The following EDAR variants were observed in gnomAD, a reference collection of about 807,000 sequenced individuals.
The protein encoded by EDAR is tumor necrosis factor receptor superfamily member EDAR.
In EDAR, 38 loss-of-function variants were observed where a neutral mutation model predicts 51.3. The observed-to-expected ratio is 0.74, with a 90% CI of 0.57 to 0.97. The LOEUF (loss-of-function observed/expected upper bound fraction) is 0.97, where lower values mean the gene tolerates loss of function less well. EDAR is among the 50% of genes least tolerant of loss of function. The pLI, the probability that EDAR is intolerant of heterozygous loss-of-function variation, is 0.00. For synonymous variants in EDAR, 227 were observed against 242.1 expected, an observed-to-expected ratio of 0.94 and a Z score of 0.58; for missense variants, 528 against 595.0, an observed-to-expected ratio of 0.89 and a Z score of 1.17.
chr2:108,982,891 C>T (rs1201814971), intron 1 of EDAR, among the ~76,000 whole-genome samples: 2 of 152,208 alleles, frequency 1.3e-5, no homozygotes, highest in African/African-American at 4.8e-5. Flanking sequence ...GGACTGGCCA[C>T]CCAGACAGGC....
At chr2:108,986,058 T>C (rs1263094354) in intron 1 of EDAR, among the ~76,000 whole-genome samples, 1 of 152,152 alleles carries the variant, frequency 6.6e-6, no homozygotes, top group Non-Finnish European at 1.5e-5. Context: ...GGGTAATGCT[T>C]TGTGACACTC....
At chr2:108,965,428 G>A (rs1698131552) in intron 1 of EDAR, among the ~76,000 whole-genome samples, 1 of 145,848 alleles carries the variant, frequency 6.9e-6, no homozygotes, top group South Asian at 2.2e-4. Context: ...TCACGCCACT[G>A]CACTCCAACC....
At chr2:108,906,474 G>A in intron 10 of EDAR, 106 bp from the exon 11 acceptor site, 1 of 1,159,100 alleles carries the variant, frequency 8.6e-7, no homozygotes, top group Non-Finnish European at 1.3e-6. Context: ...CCCAACACCA[G>A]AGACGCTGCA....
intron 3 of EDAR, 67 bp downstream of exon 3, chr2:108,930,053 C>T (rs1697334000): frequency 1.5e-5 from 23 of 1,550,184 alleles, no homozygotes; most frequent in African/African-American, 2.7e-5. Context: ...AGGCTCAGGG[C>T]AACAATGCCA....
At chr2:108,942,833 A>G (rs1056212050) in intron 1 of EDAR, among the ~76,000 whole-genome samples, 3 of 152,148 alleles carry the variant, frequency 2.0e-5, no homozygotes, top group African/African-American at 7.2e-5. Context: ...CAACAAAAAC[A>G]TTTTCAGGCT....
chr2:108,955,440 CAT>C (rs1558830580), intron 1 of EDAR, among the ~76,000 whole-genome samples: 1 of 152,122 alleles, frequency 6.6e-6, no homozygotes, highest in African/African-American at 2.4e-5. Flanking sequence ...TTTGTAGAGA[CAT>C]ATATATCTTC....
At chr2:108,917,744 G>A (rs899903029) in intron 5 of EDAR, among the ~76,000 whole-genome samples, 2 of 152,048 alleles carry the variant, frequency 1.3e-5, no homozygotes, top group African/African-American at 4.8e-5. Context: ...TCTCACCTCT[G>A]CTTGCTGCCA....
intron 1 of EDAR, among the ~76,000 whole-genome samples, chr2:108,957,632 A>G (rs1259316036): frequency 6.6e-6 from 1 of 152,200 alleles, no homozygotes. Flanking sequence ...GGTGCCTCCA[A>G]CTGCATTTAC....
At chr2:108,914,260 CA>C (rs926812967) in intron 5 of EDAR, among the ~76,000 whole-genome samples, 53 of 147,264 alleles carry the variant, frequency 3.6e-4, no homozygotes, top group Non-Finnish European at 7.0e-4. Context: ...AACTTTGTCT[CA>C]AAAAAAAATA....
At chr2:108,942,834 T>G (rs996521364) in intron 1 of EDAR, among the ~76,000 whole-genome samples, 1 of 152,202 alleles carries the variant, frequency 6.6e-6, no homozygotes, top group African/African-American at 2.4e-5. Flanking sequence ...AACAAAAACA[T>G]TTTCAGGCTC....
chr2:108,964,030 A>G (rs1698103346), intron 1 of EDAR, among the ~76,000 whole-genome samples: 1 of 152,196 alleles, frequency 6.6e-6, no homozygotes, highest in Non-Finnish European at 1.5e-5. Context: ...GTGGCTGCTG[A>G]GCCTGAACTG....
intron 1 of EDAR, among the ~76,000 whole-genome samples, chr2:108,977,876 A>G (rs867365497): frequency 4.6e-5 from 7 of 152,204 alleles, no homozygotes; most frequent in African/African-American, 1.2e-4. Flanking sequence ...CAACCACAAG[A>G]CATCATATTA....
intron 1 of EDAR, among the ~76,000 whole-genome samples, chr2:108,959,680 T>C (rs1327020412): frequency 6.6e-6 from 1 of 152,136 alleles, no homozygotes; most frequent in African/African-American, 2.4e-5. Flanking sequence ...GCCCGGTGAA[T>C]GGCTGCTGGG....
chr2:108,897,752 C>G (rs1293304404), intron 11 of EDAR, among the ~76,000 whole-genome samples: 1 of 152,168 alleles, frequency 6.6e-6, no homozygotes. Flanking sequence ...ATTAGACTCA[C>G]CTAGGAGCAT....
intron 1 of EDAR, among the ~76,000 whole-genome samples, chr2:108,964,518 A>G (rs1250970583): frequency 1.3e-5 from 2 of 152,292 alleles, no homozygotes; most frequent in South Asian, 2.1e-4. Context: ...GGGGGAAAAA[A>G]ACCCCAACAA....
intron 5 of EDAR, among the ~76,000 whole-genome samples, chr2:108,918,586 T>C (rs1054439672): frequency 3.3e-5 from 5 of 152,100 alleles, no homozygotes; most frequent in African/African-American, 1.2e-4. Flanking sequence ...AAAGTGAAAA[T>C]GAGCGGGGAC....
intron 10 of EDAR, among the ~76,000 whole-genome samples, chr2:108,907,646 CTCCA>C (rs1487979416): frequency 3.1e-5 from 1 of 32,062 alleles, no homozygotes; most frequent in Non-Finnish European, 6.2e-5. Flanking sequence ...AGACTCTCAT[CTCCA>C]AAAAAAAAAA....
chr2:108,908,548 G>C (rs1696856177), intron 9 of EDAR, among the ~76,000 whole-genome samples: 1 of 152,116 alleles, frequency 6.6e-6, no homozygotes, highest in Admixed American at 6.5e-5. Flanking sequence ...TGGCTGACCT[G>C]TGTGCATTGC....
In EDAR at chr2:108,915,563, T is replaced by G. The variant is rs537339277; in HGVS notation, c.443-2799A>C. Among the ~76,000 whole-genome samples the G allele has an allele frequency of 2.0e-5, 3 of 152,366 alleles. No individual in the cohort carries two copies. The South Asian group carries it at 6.2e-4, about 32-fold the overall frequency. Reference sequence around the variant, plus strand: ...AAACTTATGATAAATCTTTGCTTTCTTAATTTAGCCTCTTACTTGGCCTCA... The same window carrying G: ...AAACTTATGATAAATCTTTGCTTTCGTAATTTAGCCTCTTACTTGGCCTCA... On this transcript the variant is annotated intron_variant, in intron 5 of 11. Coordinates refer to ENST00000258443, the MANE Select transcript of EDAR (RefSeq NM_022336.4).
Sources: gnomAD v4.1 joint callset for allele counts (sites outside exome capture counted in the v4.1 genomes callset) on GRCh38, gnomAD v4.1.1 for gene constraint, MANE v1.5 for transcripts, NCBI Gene and HGNC (gene_info 2026-07-23, HGNC 2026-07-21) for gene names.